GOLGA7: variants seen among roughly 807,000 people sequenced by gnomAD.
GOLGA7 encodes the protein golgin A7, also known as golgin subfamily A member 7.
A neutral mutation model predicts 21.1 loss-of-function variants in GOLGA7; 10 were observed. That is an observed-to-expected ratio of 0.47 (90% CI 0.29 to 0.80). The LOEUF (loss-of-function observed/expected upper bound fraction) is 0.80, where lower values mean the gene tolerates loss of function less well. Ranked by LOEUF, GOLGA7 falls within the 30% of genes least tolerant of loss-of-function variation. The pLI is 0.08. For missense variants in GOLGA7, 114 were observed against 166.8 expected, an observed-to-expected ratio of 0.68 and a Z score of 1.74; for synonymous variants, 64 against 62.6, an observed-to-expected ratio of 1.02 and a Z score of -0.10.
At chr8:41,506,050 A>G (rs765617022) in intron 3 of GOLGA7, 38 bp downstream of exon 3, 2 of 1,008,026 alleles carry the variant, frequency 2.0e-6, no homozygotes, top group Non-Finnish European at 3.1e-6. Flanking sequence ...CTAAATATTT[A>G]TAACAAGAAA....
intron 1 of GOLGA7, among the ~76,000 whole-genome samples, chr8:41,492,193 A>G (rs1805900188): frequency 6.6e-6 from 1 of 152,250 alleles, no homozygotes; most frequent in Non-Finnish European, 1.5e-5. Context: ...TGCCATTTAA[A>G]TGCTGCAGTA....
intron 1 of GOLGA7, among the ~76,000 whole-genome samples, chr8:41,491,200 T>G (rs370528949): frequency 1.2e-4 from 18 of 152,318 alleles, no homozygotes; most frequent in African/African-American, 4.1e-4. Flanking sequence ...GGAACTTTGT[T>G]GCCCGGTGCC....
At position 41,490,801 on chromosome 8, in the gene GOLGA7, G is replaced by A. The variant is rs552206338; in HGVS notation, c.-54G>A. ...AGTCCCGGGTCCAGGCCGGGGCTCTGACTCGCGGTTGGTGTTCCCCCGACC... is the reference window on the plus strand; with the variant it reads ...AGTCCCGGGTCCAGGCCGGGGCTCTAACTCGCGGTTGGTGTTCCCCCGACC... On this transcript the variant is annotated 5_prime_UTR_variant, in exon 1 of 5. It removes the in-frame stop codon of an upstream open reading frame in the 5' UTR. Transcript: ENST00000357743. 1.5e-4 allele frequency: 152 copies of A among 1,017,758 alleles called. No homozygotes were observed. The highest frequency in any genetic ancestry group is 1.5e-3 in the Middle Eastern group (5 of 3,368). The allele number at this position is 1,017,758 out of a possible 1,614,324, so 63.0% of individuals were successfully genotyped here.
chr8:41,490,978 G>C lies in GOLGA7; in HGVS notation c.111+13G>C. 2 of 1,405,550 alleles carry C rather than the reference G, an allele frequency of 1.4e-6. No individual in the cohort carries two copies. The highest frequency in any genetic ancestry group is 2.0e-6 in the Non-Finnish European group (2 of 1,008,618). The allele number at this position is 1,405,550 out of a possible 1,614,324, so 87.1% of individuals were successfully genotyped here. ...GCTGGAGAACCGGGTACGCAACCTG[G>C]CTCCCCACGCCTGCTCTGGCGAGGG... On this transcript the variant is annotated intron_variant, in intron 1 of 4. Coordinates refer to ENST00000357743, the MANE Select transcript of GOLGA7 (RefSeq NM_001002296.2).
Position 41,497,619 on chromosome 8 carries a change from A to G in GOLGA7, c.222A>G (p.Thr74=). Residue 74 remains threonine, a synonymous_variant, in exon 2 of 5, where the codon ACA becomes ACG. Coordinates refer to ENST00000357743, the MANE Select transcript of GOLGA7 (RefSeq NM_001002296.2). ...SYLEGCLACL[T]AYTIFLCMET... ...TCGAAGGTTGTTTGGCTTGTTTAAC[A>G]GCATATACCATCTTCCTATGCATGG... The G allele has an allele frequency of 6.3e-7, 1 of 1,575,242 alleles. No individual in the cohort carries two copies. Among genetic ancestry groups the G allele is most frequent in the Non-Finnish European group, 8.7e-7 (1 of 1,146,122 alleles).
rs889248178 is a variant in GOLGA7 at position 41,499,140 on chromosome 8, C to T, written c.264+1479C>T. Among the ~76,000 whole-genome samples the T allele has an allele frequency of 2.0e-5, 3 of 152,142 alleles. No individual in the cohort carries two copies. The East Asian group carries it at 5.8e-4, about 29-fold the overall frequency. ...AGGAAAAGTTCTCTTGTCCCCCTCG[C>T]AGGGCGTGTGATGGGGTGTGGCTTG... On this transcript the variant is annotated intron_variant, in intron 2 of 4. Transcript: ENST00000357743.
At chr8:41,507,732 G>GT in intron 4 of GOLGA7, among the ~76,000 whole-genome samples, 1 of 152,180 alleles carries the variant, frequency 6.6e-6, no homozygotes, top group Non-Finnish European at 1.5e-5. Flanking sequence ...GCAGAGTCAC[G>GT]TTGAAGCCCT....
rs1364029568 is a variant in GOLGA7 at position 41,506,020 on chromosome 8, T to G, written c.366+8T>G. ...GAGCGAGGACTGCGAGTTGTATCTT[T>G]TTAGTTCGGATCAGAAAGTCTAAAT... On this transcript the variant is annotated splice_region_variant and intron_variant, in intron 3 of 4. Coordinates refer to ENST00000357743, the MANE Select transcript of GOLGA7 (RefSeq NM_001002296.2). The G allele has an allele frequency of 7.3e-7, 1 of 1,365,910 alleles. No individual in the cohort carries two copies. Among genetic ancestry groups the G allele is most frequent in the African/African-American group, 1.4e-5 (1 of 69,144 alleles). The allele number at this position is 1,365,910 out of a possible 1,614,324, so 84.6% of individuals were successfully genotyped here.
Position 41,510,750 on chromosome 8 carries a change from A to C in GOLGA7, c.*1182A>C, listed in dbSNP as rs977521200. 5.2e-5 allele frequency: 8 copies of C among 152,820 alleles called. No individual in the cohort carries two copies. Among genetic ancestry groups the C allele is most frequent in the African/African-American group, 1.9e-4 (8 of 41,446 alleles). 9.5% of individuals were successfully genotyped at this position (152,820 alleles called of 1,614,324 possible). Reference sequence around the variant, plus strand: ...ATACATTAGGAGAGAGAAACCATTAAAAGTTTCACTGTCAGATATATTGTA... The same window carrying C: ...ATACATTAGGAGAGAGAAACCATTACAAGTTTCACTGTCAGATATATTGTA... On this transcript the variant is annotated 3_prime_UTR_variant, in exon 5 of 5. Coordinates refer to ENST00000357743, the MANE Select transcript of GOLGA7 (RefSeq NM_001002296.2).
chr8:41,492,521 G>C (rs1805907903), intron 1 of GOLGA7, among the ~76,000 whole-genome samples: 1 of 152,118 alleles, frequency 6.6e-6, no homozygotes, highest in South Asian at 2.1e-4. Flanking sequence ...AATTAGTCAG[G>C]CATGGTGGCG....
rs1221858830 is a variant in GOLGA7, at chr8:41,491,296, TC to T, written c.111+333del. Among the ~76,000 whole-genome samples, 6 of 152,294 alleles carry T rather than the reference TC, an allele frequency of 3.9e-5. No homozygotes were observed. The East Asian group carries it at 1.2e-3, about 29-fold the overall frequency. On this transcript the variant is annotated intron_variant, in intron 1 of 4. Transcript: ENST00000357743. ...TTGTCGGCAGCGATGAGGAGCCAATTCCTGAGGCTCCAGGTCGTCTCAGTCA... is the reference window on the plus strand; with the variant it reads ...TTGTCGGCAGCGATGAGGAGCCAATTCTGAGGCTCCAGGTCGTCTCAGTCA...
At chr8:41,503,605 G>A (rs1806202962) in intron 2 of GOLGA7, among the ~76,000 whole-genome samples, 1 of 82,688 alleles carries the variant, frequency 1.2e-5, no homozygotes, top group Admixed American at 1.6e-4. Context: ...TGTAAGGAAG[G>A]GATCCAGTTT....
intron 2 of GOLGA7, among the ~76,000 whole-genome samples, chr8:41,503,862 G>C (rs1245110680): frequency 6.6e-6 from 1 of 150,734 alleles, no homozygotes; most frequent in Non-Finnish European, 1.5e-5. Flanking sequence ...CTCCAGCTTT[G>C]TTCTTTTGGC....
chr8:41,494,173 A>T (rs1007656649), intron 1 of GOLGA7, among the ~76,000 whole-genome samples: 1 of 152,158 alleles, frequency 6.6e-6, no homozygotes, highest in African/African-American at 2.4e-5. Context: ...GGAATAACGC[A>T]TAAGAATTAA....
chr8:41,505,336 C>G (rs898846600), intron 2 of GOLGA7, among the ~76,000 whole-genome samples: 1 of 152,186 alleles, frequency 6.6e-6, no homozygotes, highest in Non-Finnish European at 1.5e-5. Flanking sequence ...TTATCAGAAA[C>G]TCCCTGGCAG....
chr8:41,497,685 A>G, intron 2 of GOLGA7, 24 bp downstream of exon 2: 1 of 1,292,534 alleles, frequency 7.7e-7, no homozygotes, highest in Non-Finnish European at 1.1e-6. Flanking sequence ...TGTTTTCACA[A>G]AAATCTCTTA....
intron 2 of GOLGA7, among the ~76,000 whole-genome samples, chr8:41,498,436 C>T (rs1806073046): frequency 6.6e-6 from 1 of 152,174 alleles, no homozygotes; most frequent in African/African-American, 2.4e-5. Flanking sequence ...TCAAGTTGAC[C>T]TCAGCTTACC....
At chr8:41,504,137 CA>C (rs60072817) in intron 2 of GOLGA7, among the ~76,000 whole-genome samples, 819 of 67,670 alleles carry the variant, frequency 0.012, 9 homozygotes, top group African/African-American at 0.034. Context: ...AAAAAAAAAA[CA>C]AAACAAAACA....
chr8:41,503,983 G>A (rs563054417), intron 2 of GOLGA7, among the ~76,000 whole-genome samples: 1 of 144,002 alleles, frequency 6.9e-6, no homozygotes, highest in African/African-American at 2.7e-5. Flanking sequence ...GGTCGGGGGA[G>A]CGGGGAGGGA....
Sources: allele counts gnomAD v4.1 joint callset (sites outside exome capture counted in the v4.1 genomes callset), GRCh38; gene constraint gnomAD v4.1.1; transcripts MANE v1.5; gene names NCBI Gene and HGNC (gene_info 2026-07-23, HGNC 2026-07-21).